PSMD12: variants seen among roughly 807,000 people sequenced by gnomAD.
PSMD12 encodes proteasome 26S subunit, non-ATPase 12.
In PSMD12, 8 loss-of-function variants were observed where a neutral mutation model predicts 62.9. That is an observed-to-expected ratio of 0.13 (90% CI 0.07 to 0.23). The LOEUF is 0.23. PSMD12 is among the 10% of genes least tolerant of loss of function. The pLI is 1.00. For synonymous variants in PSMD12, 173 were observed against 187.4 expected, an observed-to-expected ratio of 0.92 and a Z score of 0.63; for missense variants, 424 against 550.2, an observed-to-expected ratio of 0.77 and a Z score of 2.29.
chr17:67,356,414 C>T (rs369174945), intron 3 of PSMD12, among the ~76,000 whole-genome samples: 9 of 149,968 alleles, frequency 6.0e-5, no homozygotes, highest in Admixed American at 2.7e-4. Context: ...AAAAATTAGC[C>T]GGGCGTGGTA....
intron 3 of PSMD12, among the ~76,000 whole-genome samples, chr17:67,350,690 G>C (rs2042009203): frequency 6.6e-6 from 1 of 152,170 alleles, no homozygotes; most frequent in Admixed American, 6.5e-5. Context: ...AGAGGCAAAA[G>C]GCGAAACGGT....
At chr17:67,353,118 G>C (rs934668918) in intron 3 of PSMD12, among the ~76,000 whole-genome samples, 3 of 152,044 alleles carry the variant, frequency 2.0e-5, no homozygotes, top group African/African-American at 7.2e-5. Context: ...ACAATGCAAT[G>C]GGGAAGCTAT....
chr17:67,364,387 G>A (rs1486155951), intron 1 of PSMD12, among the ~76,000 whole-genome samples: 2 of 152,120 alleles, frequency 1.3e-5, no homozygotes, highest in Admixed American at 6.5e-5. Flanking sequence ...CAATTATTTA[G>A]GAATAAATGC....
intron 7 of PSMD12, among the ~76,000 whole-genome samples, chr17:67,346,151 G>A (rs903850770): frequency 2.0e-5 from 3 of 152,076 alleles, no homozygotes; most frequent in African/African-American, 7.2e-5. Context: ...CCAGCACTTC[G>A]GGAGGCCCAG....
chr17:67,344,434 GA>G (rs937836129), intron 9 of PSMD12, among the ~76,000 whole-genome samples, 171 bp downstream of exon 9: 11 of 151,896 alleles, frequency 7.2e-5, no homozygotes, highest in African/African-American at 2.7e-4. Flanking sequence ...AGTGGGCATA[GA>G]AAAAAAATAT....
chr17:67,355,988 ACACACACACACACACACACACG>A (rs2042066215), intron 3 of PSMD12, among the ~76,000 whole-genome samples: 1 of 150,310 alleles, frequency 6.7e-6, no homozygotes, highest in African/African-American at 2.5e-5. Context: ...ACACACACAC[ACACACACACACACACACACACG>A]CACACACACA....
intron 1 of PSMD12, among the ~76,000 whole-genome samples, chr17:67,365,018 T>C (rs1377231411): frequency 6.6e-6 from 1 of 151,972 alleles, no homozygotes; most frequent in African/African-American, 2.4e-5. Flanking sequence ...TGAAACCCCG[T>C]CTCTACTAAA....
In PSMD12 at chr17:67,344,513, T is replaced by C. The variant is rs1036765585; in HGVS notation, c.1083+93A>G. Reference sequence around the variant, plus strand: ...TGGTTATCAAATGTGACAAATGAAATAGTTTATGCTCAAAATTGCCAAAAT... The same window carrying C: ...TGGTTATCAAATGTGACAAATGAAACAGTTTATGCTCAAAATTGCCAAAAT... On this transcript the variant is annotated intron_variant, in intron 9 of 10. Transcript: ENST00000356126. 105 of 1,085,930 alleles carry C rather than the reference T, an allele frequency of 9.7e-5. 1 individual carries two copies. In the Admixed American group the frequency reaches 1.9e-3, roughly 20 times the overall value. 67.3% of individuals were successfully genotyped at this position (1,085,930 alleles called of 1,614,324 possible). A position where few individuals can be genotyped will look rare whatever the true frequency, so the allele number is the denominator to read the frequency against.
intron 3 of PSMD12, among the ~76,000 whole-genome samples, chr17:67,356,891 G>A (rs2042080544): frequency 6.6e-6 from 1 of 151,818 alleles, no homozygotes; most frequent in Non-Finnish European, 1.5e-5. Context: ...TGCGCTTACA[G>A]TCCCAGCTGC....
At position 67,366,565 on chromosome 17, in the gene PSMD12, A is replaced by C; in HGVS notation, c.-46T>G. On this transcript the variant is annotated 5_prime_UTR_variant, in exon 1 of 11. Transcript: ENST00000356126. Reference sequence around the variant, plus strand: ...TTGCTGTCCCCCTGCTTCGGCCACCACTCGTCACCCACACCGGAAGTTGCC... The same window carrying C: ...TTGCTGTCCCCCTGCTTCGGCCACCCCTCGTCACCCACACCGGAAGTTGCC... 1 of 1,532,772 alleles carries C rather than the reference A, an allele frequency of 6.5e-7. No homozygotes were observed. Among genetic ancestry groups the C allele is most frequent in the Middle Eastern group, 1.9e-4 (1 of 5,216 alleles). The allele number at this position is 1,532,772 out of a possible 1,614,324, so 94.9% of individuals were successfully genotyped here. A position where few individuals can be genotyped will look rare whatever the true frequency, so the allele number is the denominator to read the frequency against.
At position 67,339,023 on chromosome 17, in the gene PSMD12, A is replaced by G. The variant is rs1022389101; in HGVS notation, c.*1820T>C. The G allele has an allele frequency of 6.6e-6, 1 of 152,192 alleles. No homozygotes were observed. Among genetic ancestry groups the G allele is most frequent in the African/African-American group, 2.4e-5 (1 of 41,442 alleles). The allele number at this position is 152,192 out of a possible 1,614,324, so 9.4% of individuals were successfully genotyped here. On this transcript the variant is annotated 3_prime_UTR_variant, in exon 11 of 11. Coordinates refer to ENST00000356126, the MANE Select transcript of PSMD12 (RefSeq NM_002816.5). The stretch of plus-strand genomic sequence containing the variant: ...AATTTTATTTACATGTTAACAATAC[A>G]CAATTTTATCTTCTATCCTTTTCAT...
At chr17:67,357,623 G>A in intron 1 of PSMD12, 45 bp from the exon 2 acceptor site, 1 of 1,549,532 alleles carries the variant, frequency 6.5e-7, no homozygotes, top group Admixed American at 1.7e-5. Flanking sequence ...CACACAAAAT[G>A]CAAATAACTA....
intron 10 of PSMD12, 141 bp from the exon 11 acceptor site, chr17:67,341,193 G>T: frequency 1.5e-6 from 1 of 656,998 alleles, no homozygotes; most frequent in Non-Finnish European, 2.4e-6. Context: ...ACTCAGCTGG[G>T]TGTGGTGGCT....
intron 1 of PSMD12, among the ~76,000 whole-genome samples, chr17:67,358,219 G>C (rs768504789): frequency 6.6e-6 from 1 of 152,040 alleles, no homozygotes; most frequent in African/African-American, 2.4e-5. Flanking sequence ...CACTGCATCT[G>C]GTGGATCCTG....
rs2143703111 is a variant in PSMD12, at chr17:67,350,234, C to T, written c.400G>A (p.Gly134Ser). 6.3e-7 allele frequency: 1 copy of T among 1,599,978 alleles called. No homozygotes were observed. The highest frequency in any genetic ancestry group is 8.5e-7 in the Non-Finnish European group (1 of 1,173,326). ...TATGTCAACAGAAAATTTACCTTGCCTTCGGTAACCATTCGTAGAGTATCA... is the reference window on the plus strand; with the variant it reads ...TATGTCAACAGAAAATTTACCTTGCTTTCGGTAACCATTCGTAGAGTATCA... ...LIDTLRMVTE[G>S]KIYVEIERAR... The change falls in exon 4 of 11, where the codon GGC (glycine) becomes AGC (serine). Residue 134 changes from glycine to serine, a missense_variant. Gly to Ser is a moderately conservative substitution (Grantham distance 56, BLOSUM62 0). Coordinates refer to ENST00000356126, the MANE Select transcript of PSMD12 (RefSeq NM_002816.5).
In PSMD12 at chr17:67,351,653, G is replaced by A. The variant is rs998046836; in HGVS notation, c.298-1317C>T. On this transcript the variant is annotated intron_variant, in intron 3 of 10. Coordinates refer to ENST00000356126, the MANE Select transcript of PSMD12 (RefSeq NM_002816.5). The stretch of plus-strand genomic sequence containing the variant: ...TCATGAATATATTGTATAGTGGTGA[G>A]GTATGGGCCTCTAGCGAACCTATCA... 8.6e-5 allele frequency among the ~76,000 whole-genome samples: 13 copies of A among 151,850 alleles called. 1 individual carries two copies. The highest frequency in any genetic ancestry group is 2.9e-4 in the African/African-American group (12 of 41,324).
intron 3 of PSMD12, among the ~76,000 whole-genome samples, chr17:67,350,615 A>G (rs1037727244): frequency 7.9e-5 from 12 of 152,240 alleles, no homozygotes; most frequent in Admixed American, 7.2e-4. Context: ...GAGAAAGCAG[A>G]GGTCCACAGC....
intron 9 of PSMD12, chr17:67,342,613 C>A: frequency 6.3e-6 from 1 of 159,606 alleles, no homozygotes; most frequent in Non-Finnish European, 1.4e-5. Flanking sequence ...AATTATAACA[C>A]AAATGTTTTA....
intron 1 of PSMD12, among the ~76,000 whole-genome samples, chr17:67,359,723 T>G (rs1402104505): frequency 6.6e-6 from 1 of 152,190 alleles, no homozygotes; most frequent in Non-Finnish European, 1.5e-5. Flanking sequence ...AATATGTGAT[T>G]CTTAACATAT....
Sources: allele counts gnomAD v4.1 joint callset (sites outside exome capture counted in the v4.1 genomes callset), GRCh38; gene constraint gnomAD v4.1.1; transcripts MANE v1.5; gene names NCBI Gene and HGNC (gene_info 2026-07-23, HGNC 2026-07-21).